The following SCYL3 variants were observed in gnomAD, a reference collection of about 807,000 sequenced individuals.
SCYL3 encodes the protein SCY1 like pseudokinase 3.
In SCYL3, 35 loss-of-function variants were observed where a neutral mutation model predicts 73.8. The observed-to-expected ratio is 0.47, with a 90% CI of 0.36 to 0.63. SCYL3 has a LOEUF of 0.63. SCYL3 is among the 20% of genes least tolerant of loss of function. The pLI, the probability that SCYL3 is intolerant of heterozygous loss-of-function variation, is 0.00. For synonymous variants in SCYL3, 277 were observed against 295.2 expected, an observed-to-expected ratio of 0.94 and a Z score of 0.63; for missense variants, 712 against 798.9, an observed-to-expected ratio of 0.89 and a Z score of 1.31.
At position 169,890,235 on chromosome 1, in the gene SCYL3, A is replaced by G. The variant is rs117058102; in HGVS notation, c.-50-1345T>C. Among the ~76,000 whole-genome samples, 68 of 152,358 alleles carry G rather than the reference A, an allele frequency of 4.5e-4. No individual in the cohort carries two copies. The East Asian group carries it at 0.012, about 26-fold the overall frequency. ...CCTGAATAGTTTTGTGGAAATCTCC[A>G]TATTTTTCAATGTTGAATCAAATGT... On this transcript the variant is annotated intron_variant, in intron 1 of 12. Transcript: ENST00000367771.
In SCYL3 at chr1:169,862,512, G is replaced by A. The variant is rs865840448; in HGVS notation, c.1140+101C>T. 7 of 1,270,752 alleles carry A rather than the reference G, an allele frequency of 5.5e-6. 1 individual carries two copies. In the Middle Eastern group the frequency reaches 1.3e-3, roughly 244 times the overall value. The allele number at this position is 1,270,752 out of a possible 1,614,324, so 78.7% of individuals were successfully genotyped here. A position where few individuals can be genotyped will look rare whatever the true frequency, so the allele number is the denominator to read the frequency against. On this transcript the variant is annotated intron_variant, in intron 10 of 12. Coordinates refer to ENST00000367771, the MANE Select transcript of SCYL3 (RefSeq NM_020423.7). ...CTTTGTATTCCACAGACTGCTGCCT[G>A]AAGGCTTTCTAAGCTATTATCTGAA...
At chr1:169,859,463 A>G (rs890438533) in intron 10 of SCYL3, among the ~76,000 whole-genome samples, 4 of 152,272 alleles carry the variant, frequency 2.6e-5, no homozygotes, top group Non-Finnish European at 5.9e-5. Flanking sequence ...TGTTGGGTAC[A>G]TAAAATTACT....
At chr1:169,862,873 C>T (rs1659764450) in intron 9 of SCYL3, 76 bp from the exon 10 acceptor site, 2 of 1,370,450 alleles carry the variant, frequency 1.5e-6, no homozygotes, top group Non-Finnish European at 2.0e-6. Flanking sequence ...ATAATTCATA[C>T]ACTGAACCCA....
intron 2 of SCYL3, among the ~76,000 whole-genome samples, chr1:169,881,226 C>T (rs758456575): frequency 1.8e-4 from 27 of 152,124 alleles, no homozygotes; most frequent in Admixed American, 4.6e-4. Flanking sequence ...AAGGCTTCTA[C>T]GTTTTATGTG....
At chr1:169,864,773 A>C (rs1315498751) in intron 8 of SCYL3, among the ~76,000 whole-genome samples, 1 of 152,134 alleles carries the variant, frequency 6.6e-6, no homozygotes, top group Non-Finnish European at 1.5e-5. Flanking sequence ...CAGCTTGGCC[A>C]ACATGGTGAA....
chr1:169,859,552 C>T (rs2102142920), intron 10 of SCYL3, among the ~76,000 whole-genome samples: 1 of 152,304 alleles, frequency 6.6e-6, no homozygotes, highest in African/African-American at 2.4e-5. Context: ...ATAAAAAGTT[C>T]ATGTACTGGC....
chr1:169,853,690 TA>T lies in SCYL3; in HGVS notation c.*22del. 6.2e-7 allele frequency: 1 copy of T among 1,609,816 alleles called. No homozygotes were observed. The highest frequency in any genetic ancestry group is 8.5e-7 in the Non-Finnish European group (1 of 1,178,416). On this transcript the variant is annotated 3_prime_UTR_variant, in exon 13 of 13. Coordinates refer to ENST00000367771, the MANE Select transcript of SCYL3 (RefSeq NM_020423.7). ...TTTAAAAAAAGGGAATCCTTTTTCC[TA>T]AAGTTTAACTCACATCTATTGTCAC... is the stretch of plus-strand genomic sequence containing the variant.
intron 1 of SCYL3, among the ~76,000 whole-genome samples, chr1:169,891,038 C>T (rs147110190): frequency 2.6e-5 from 4 of 152,234 alleles, no homozygotes; most frequent in East Asian, 1.9e-4. Flanking sequence ...GGCCAAAGGG[C>T]GGTTAATTCA....
Position 169,852,991 on chromosome 1 carries a change from T to G in SCYL3, c.*722A>C. On this transcript the variant is annotated 3_prime_UTR_variant, in exon 13 of 13. Coordinates refer to ENST00000367771, the MANE Select transcript of SCYL3 (RefSeq NM_020423.7). ...TTACATACATACTCTAGGGTGAAAC[T>G]TATCACTAGGCAGAACTGGGTTTGA... is the stretch of plus-strand genomic sequence containing the variant. The G allele has an allele frequency of 6.2e-7, 1 of 1,610,152 alleles. No individual in the cohort carries two copies. The highest frequency in any genetic ancestry group is 8.5e-7 in the Non-Finnish European group (1 of 1,179,558).
In SCYL3 at chr1:169,853,107, T is replaced by C; in HGVS notation, c.*606A>G. The C allele has an allele frequency of 2.2e-6, 2 of 918,938 alleles. No individual in the cohort carries two copies. The highest frequency in any genetic ancestry group is 3.3e-6 in the Non-Finnish European group (2 of 601,648). The allele number at this position is 918,938 out of a possible 1,614,324, so 56.9% of individuals were successfully genotyped here. On this transcript the variant is annotated 3_prime_UTR_variant, in exon 13 of 13. Coordinates refer to ENST00000367771, the MANE Select transcript of SCYL3 (RefSeq NM_020423.7). ...AGTTGAATCTAGTGAAAATAATCTT[T>C]ATTTGACATTTAGAGAACAGGATTG... is the stretch of plus-strand genomic sequence containing the variant.
chr1:169,864,763 C>T (rs1339324218), intron 8 of SCYL3, among the ~76,000 whole-genome samples: 1 of 152,040 alleles, frequency 6.6e-6, no homozygotes, highest in Non-Finnish European at 1.5e-5. Flanking sequence ...AGTTTGAGAC[C>T]AGCTTGGCCA....
At position 169,850,266 on chromosome 1, in the gene SCYL3, G is replaced by T; in HGVS notation, c.*3447C>A. 2 of 1,603,386 alleles carry T rather than the reference G, an allele frequency of 1.2e-6. No homozygotes were observed. Among genetic ancestry groups the T allele is most frequent in the Middle Eastern group, 1.7e-4 (1 of 6,004 alleles). ...TCTTGTTCATCAATTTTTTAATAGGGAACAAATCATGAAGAGATAGTTCCA... is the reference window on the plus strand; with the variant it reads ...TCTTGTTCATCAATTTTTTAATAGGTAACAAATCATGAAGAGATAGTTCCA... On this transcript the variant is annotated 3_prime_UTR_variant, in exon 13 of 13. Coordinates refer to ENST00000367771, the MANE Select transcript of SCYL3 (RefSeq NM_020423.7).
chr1:169,890,688 T>C (rs1249191482), intron 1 of SCYL3, among the ~76,000 whole-genome samples: 2 of 152,264 alleles, frequency 1.3e-5, no homozygotes, highest in African/African-American at 4.8e-5. Flanking sequence ...AATCTAAAAA[T>C]GTTGCTGAGA....
At position 169,873,721 on chromosome 1, in the gene SCYL3, G is replaced by A. The variant is rs202138911; in HGVS notation, c.497C>T (p.Pro166Leu). 4 of 1,604,014 alleles carry A rather than the reference G, an allele frequency of 2.5e-6. No individual in the cohort carries two copies. The African/African-American group carries it at 5.4e-5, about 21-fold the overall frequency. ...CATCTCTTCAGGAGGGATAGATGCT[G>A]GGTCTCTTATTGACTGAATACTCCT... ...FLRSIQSIRD[P>L]ASIPPEEMSP... Residue 166 changes from proline (P) to leucine (L), a missense_variant, in exon 5 of 13, where the codon CCA becomes CTA. Physicochemically the swap from Pro to Leu is moderately conservative, Grantham distance 98. This residue lies in a region of SCYL3 where 342 missense variants were observed against 448.1 expected (regional missense o/e 0.76). Transcript: ENST00000367771.
chr1:169,850,663 G>A lies in SCYL3; in HGVS notation c.*3050C>T. On this transcript the variant is annotated 3_prime_UTR_variant, in exon 13 of 13. Transcript: ENST00000367771. ...ATACAAAAATTAGCCGGGCATGGTG[G>A]TACGCGCCTGCAGTCCCAGCTACTC... The A allele has an allele frequency of 5.0e-6, 1 of 201,634 alleles. No homozygotes were observed. Among genetic ancestry groups the A allele is most frequent in the Non-Finnish European group, 1.0e-5 (1 of 96,706 alleles). 12.5% of individuals were successfully genotyped at this position (201,634 alleles called of 1,614,324 possible).
chr1:169,869,178 T>C (rs1173338223), intron 6 of SCYL3, 139 bp from the exon 7 acceptor site: 2 of 657,854 alleles, frequency 3.0e-6, no homozygotes, highest in African/African-American at 3.6e-5. Context: ...AACAGCTTCC[T>C]GCTTGCCTTA....
rs200694889 is a variant in SCYL3 at position 169,854,472 on chromosome 1, C to G, written c.1805G>C (p.Gly602Ala). ...TTTTACTTGAATGGTGAATTCCTCT[C>G]CTAAACCAAGTTCTGATGGAACCTT... ...PLKVPSELGL[G>A]EEFTIQVKKK... is the part of the protein sequence containing the mutation. The change falls in exon 12 of 13, where the codon GGA becomes GCA. Residue 602 changes from glycine (G) to alanine (A), a missense_variant. Gly to Ala is a moderately conservative substitution (Grantham distance 60). Coordinates refer to ENST00000367771, the MANE Select transcript of SCYL3 (RefSeq NM_020423.7). 5.6e-6 allele frequency: 9 copies of G among 1,614,068 alleles called. No homozygotes were observed. The highest frequency in any genetic ancestry group is 7.6e-6 in the Non-Finnish European group (9 of 1,179,982).
intron 10 of SCYL3, chr1:169,860,103 C>G (rs1367082532): frequency 6.6e-6 from 1 of 152,168 alleles, no homozygotes; most frequent in African/African-American, 2.4e-5. Flanking sequence ...ATGGGACAAC[C>G]ATTTTGGCCA....
intron 2 of SCYL3, among the ~76,000 whole-genome samples, chr1:169,880,373 C>A (rs1661157382): frequency 7.0e-6 from 1 of 141,888 alleles, no homozygotes. Context: ...CATCAAACTG[C>A]TAAATATCAA....
Sources: allele counts gnomAD v4.1 joint callset (sites outside exome capture counted in the v4.1 genomes callset), GRCh38; gene constraint gnomAD v4.1.1; regional missense constraint gnomAD v4.1.1; transcripts MANE v1.5; gene names NCBI Gene and HGNC (gene_info 2026-07-23, HGNC 2026-07-21).